The following TM4SF19 variants were observed in gnomAD, a reference collection of about 807,000 sequenced individuals.
TM4SF19 encodes the protein transmembrane 4 L6 family member 19.
TM4SF19 carries 17 observed loss-of-function variants against 21.8 expected under a neutral mutation model. The observed-to-expected ratio is 0.78, with a 90% CI of 0.53 to 1.17. The LOEUF is 1.17. Among genes scored for constraint, TM4SF19 ranks in the 50% most tolerant of loss-of-function variants. The probability of loss-of-function intolerance (pLI) is 0.00; values close to 1 mark genes in which losing one functional copy is unlikely to be tolerated. For missense variants in TM4SF19, 216 were observed against 252.1 expected (o/e 0.86, Z 0.97); for synonymous variants, 107 against 106.7 (o/e 1.00, Z -0.02).
chr3:196,336,825 C>A (rs1418330824), intron 1 of TM4SF19, among the ~76,000 whole-genome samples: 1 of 152,184 alleles, frequency 6.6e-6, no homozygotes, highest in African/African-American at 2.4e-5. Flanking sequence ...CAGAAGTGAT[C>A]GGCTCAATTC....
Position 196,326,946 on chromosome 3 carries a change from G to C in TM4SF19, c.279+9C>G. 6.2e-7 allele frequency: 1 copy of C among 1,605,162 alleles called. No homozygotes were observed. The highest frequency in any genetic ancestry group is 8.5e-7 in the Non-Finnish European group (1 of 1,172,534). ...TCTGGGTGTTAGAAGAGTGGAATCTGGTGCTTACGCTTCGACAGAGCCCAC... is the reference window on the plus strand; with the variant it reads ...TCTGGGTGTTAGAAGAGTGGAATCTCGTGCTTACGCTTCGACAGAGCCCAC... On this transcript the variant is annotated intron_variant, in intron 3 of 4. Transcript: ENST00000273695.
chr3:196,337,545 T>C (rs948112489), intron 1 of TM4SF19, among the ~76,000 whole-genome samples: 2 of 152,042 alleles, frequency 1.3e-5, no homozygotes, highest in African/African-American at 2.4e-5. Context: ...AGAAGCAAAA[T>C]GGTGGAGTTT....
At chr3:196,337,059 T>C (rs943148361) in intron 1 of TM4SF19, among the ~76,000 whole-genome samples, 5 of 106,314 alleles carry the variant, frequency 4.7e-5, no homozygotes, top group Non-Finnish European at 6.5e-5. Context: ...TTCTTTTTTT[T>C]TTTTTTTTTT....
At position 196,327,003 on chromosome 3, in the gene TM4SF19, CA is replaced by C. The variant is rs780279613; in HGVS notation, c.230del (p.Leu77Ter). ...MVLTAAILIS[L>X]MGWRYGCFSK... ...TGAAGCAGCCGTATCTCCAGCCCATCAAGGAGATGAGGATAGCTGCAGTGAG... is the reference window on the plus strand; with the variant it reads ...TGAAGCAGCCGTATCTCCAGCCCATCAGGAGATGAGGATAGCTGCAGTGAG... On this transcript the variant is annotated frameshift_variant, in exon 3 of 5. Transcript: ENST00000273695. LOFTEE classifies it high-confidence loss of function. 1 of 1,611,614 alleles carries C rather than the reference CA, an allele frequency of 6.2e-7. No homozygotes were observed. Among genetic ancestry groups the C allele is most frequent in the Non-Finnish European group, 8.5e-7 (1 of 1,177,900 alleles).
chr3:196,335,631 T>A (rs1317452916), intron 1 of TM4SF19, among the ~76,000 whole-genome samples: 1 of 151,024 alleles, frequency 6.6e-6, no homozygotes, highest in Non-Finnish European at 1.5e-5. Context: ...GGATGGGGTG[T>A]CTCTTCCCCC....
intron 1 of TM4SF19, among the ~76,000 whole-genome samples, chr3:196,332,164 G>A (rs546673487): frequency 2.0e-5 from 3 of 151,756 alleles, no homozygotes; most frequent in Non-Finnish European, 2.9e-5. Flanking sequence ...CCAGCTACTC[G>A]GGAGGCTGAG....
At chr3:196,337,100 T>C (rs1221872647) in intron 1 of TM4SF19, among the ~76,000 whole-genome samples, 2 of 141,174 alleles carry the variant, frequency 1.4e-5, no homozygotes, top group African/African-American at 5.3e-5. Context: ...TCGCTCTTGT[T>C]GCCCAGGCTG....
intron 1 of TM4SF19, among the ~76,000 whole-genome samples, chr3:196,334,514 C>T (rs940622469): frequency 9.2e-5 from 14 of 151,500 alleles, no homozygotes; most frequent in Admixed American, 5.3e-4. Flanking sequence ...AGTGCAGTGG[C>T]GCGATCTCAG....
At position 196,327,507 on chromosome 3, in the gene TM4SF19, A is replaced by C. The variant is rs751419594; in HGVS notation, c.84T>G (p.Phe28Leu). 3 of 1,614,066 alleles carry C rather than the reference A, an allele frequency of 1.9e-6. No individual in the cohort carries two copies. Among genetic ancestry groups the C allele is most frequent in the Non-Finnish European group, 2.5e-6 (3 of 1,180,062 alleles). ...GGAGTGCCACGTTGGCCCCAGCAGC[A>C]AACAGGGCTGCAGTCCCAAGGCTCA... ...LGLSLGTAAL[F>L]AAGANVALLL... Residue 28 changes from phenylalanine to leucine, a missense_variant, in exon 2 of 5, where the codon TTT becomes TTG. Coordinates refer to ENST00000273695, the MANE Select transcript of TM4SF19 (RefSeq NM_138461.4).
intron 1 of TM4SF19, among the ~76,000 whole-genome samples, chr3:196,331,633 C>CA (rs1727513433): frequency 6.6e-6 from 1 of 151,420 alleles, no homozygotes; most frequent in African/African-American, 2.4e-5. Flanking sequence ...ACTAAAAATA[C>CA]AAAACTAGCC....
Position 196,324,433 on chromosome 3 carries a change from G to T in TM4SF19, c.287C>A (p.Thr96Asn). ...SKSGLCRSVLTALLSGGLALL... is the reference protein window; with the variant it reads ...SKSGLCRSVLNALLSGGLALL... ...AGCCAGGCCACCTGACAACAGAGCA[G>T]TAAGCACCTGCGGAGGGAGGAGAAA... The change falls in exon 4 of 5, where the codon ACT (threonine) becomes AAT (asparagine). Residue 96 changes from threonine to asparagine, a missense_variant. Physicochemically the swap from Thr to Asn is moderately conservative, Grantham distance 65. Coordinates refer to ENST00000273695, the MANE Select transcript of TM4SF19 (RefSeq NM_138461.4). The T allele has an allele frequency of 6.2e-7, 1 of 1,614,174 alleles. No homozygotes were observed. The highest frequency in any genetic ancestry group is 8.5e-7 in the Non-Finnish European group (1 of 1,180,036).
At chr3:196,326,389 A>AGTGTGT (rs10604679) in intron 3 of TM4SF19, among the ~76,000 whole-genome samples, 13 of 150,376 alleles carry the variant, frequency 8.6e-5, no homozygotes, top group Middle Eastern at 3.4e-3. Context: ...TCTGAGAACG[A>AGTGTGT]GTGTGTGTGT....
At chr3:196,332,847 A>AT (rs1560205105) in intron 1 of TM4SF19, among the ~76,000 whole-genome samples, 2 of 106,374 alleles carry the variant, frequency 1.9e-5, no homozygotes, top group African/African-American at 6.1e-5. Context: ...TTCAACTTAC[A>AT]ATTTTTTTTT....
intron 1 of TM4SF19, among the ~76,000 whole-genome samples, chr3:196,332,675 C>G (rs899140482): frequency 6.6e-6 from 1 of 151,660 alleles, no homozygotes; most frequent in South Asian, 2.1e-4. Flanking sequence ...AGAGCTCCAG[C>G]GGATACCTGA....
At chr3:196,335,919 A>T (rs997651962) in intron 1 of TM4SF19, among the ~76,000 whole-genome samples, 4 of 152,030 alleles carry the variant, frequency 2.6e-5, no homozygotes, top group Non-Finnish European at 5.9e-5. Context: ...ACCGGGGCCC[A>T]AGGAAAGATG....
At position 196,324,457 on chromosome 3, in the gene TM4SF19, A is replaced by C. The variant is rs1727204001; in HGVS notation, c.280-17T>G. On this transcript the variant is annotated splice_polypyrimidine_tract_variant and intron_variant, in intron 3 of 4. Coordinates refer to ENST00000273695, the MANE Select transcript of TM4SF19 (RefSeq NM_138461.4). ...AGTAAGCACCTGCGGAGGGAGGAGA[A>C]ACACTGAGCTAAGACGGGGTCGCAG... is the stretch of plus-strand genomic sequence containing the variant. The C allele has an allele frequency of 1.2e-6, 2 of 1,613,680 alleles. No individual in the cohort carries two copies. Among genetic ancestry groups the C allele is most frequent in the Non-Finnish European group, 1.7e-6 (2 of 1,179,876 alleles).
At position 196,323,788 on chromosome 3, in the gene TM4SF19, C is replaced by T. The variant is rs1727161805; in HGVS notation, c.*29G>A. ...TTCAAGACAGCCGATGATGAAAACACCCATGCTTGCAAGTGAAGGTTCTGC... is the reference window on the plus strand; with the variant it reads ...TTCAAGACAGCCGATGATGAAAACATCCATGCTTGCAAGTGAAGGTTCTGC... On this transcript the variant is annotated 3_prime_UTR_variant, in exon 5 of 5. Transcript: ENST00000273695. The T allele has an allele frequency of 4.3e-6, 7 of 1,613,982 alleles. No homozygotes were observed. Among genetic ancestry groups the T allele is most frequent in the Non-Finnish European group, 5.1e-6 (6 of 1,180,038 alleles).
chr3:196,333,699 A>G (rs1296843159), intron 1 of TM4SF19, among the ~76,000 whole-genome samples: 1 of 152,248 alleles, frequency 6.6e-6, no homozygotes, highest in African/African-American at 2.4e-5. Flanking sequence ...AACATCACAC[A>G]ATAGACACGG....
rs934979335 is a variant in TM4SF19 at position 196,329,521 on chromosome 3, T to G, written c.-1-1930A>C. On this transcript the variant is annotated intron_variant, in intron 1 of 4. Transcript: ENST00000273695. ...TGATTAATCAGACTGCTTAAAAATT[T>G]AAATGTCAGCTGGGTGCTTGCCTAT... is the stretch of plus-strand genomic sequence containing the variant. Among the ~76,000 whole-genome samples the G allele has an allele frequency of 4.0e-5, 5 of 124,550 alleles. 2 individuals are homozygous for G. The highest frequency in any genetic ancestry group is 1.3e-4 in the African/African-American group (5 of 37,142). 81.7% of individuals were successfully genotyped at this position (124,550 alleles called of 152,430 possible).
Sources: gnomAD v4.1 joint callset for allele counts (sites outside exome capture counted in the v4.1 genomes callset) on GRCh38, gnomAD v4.1.1 for gene constraint, MANE v1.5 for transcripts, NCBI Gene and HGNC (gene_info 2026-07-23, HGNC 2026-07-21) for gene names.